ANGPT2: variants seen among roughly 807,000 people sequenced by gnomAD.
ANGPT2 encodes the protein angiopoietin-2.
In ANGPT2, 28 loss-of-function variants were observed where a neutral mutation model predicts 62.9. That is an observed-to-expected ratio of 0.44 (90% confidence interval 0.33 to 0.61). The LOEUF is 0.61. ANGPT2 is among the 20% of genes least tolerant of loss of function. The pLI, the probability that ANGPT2 is intolerant of heterozygous loss-of-function variation, is 0.03. For missense variants in ANGPT2, 727 were observed against 594.9 expected (o/e 1.22, Z -2.31); for synonymous variants, 284 against 207.8 (o/e 1.37, Z -3.15).
rs1012296119 is a variant in ANGPT2, at chr8:6,521,471, T to C, written c.567-61A>G. 5.8e-6 allele frequency: 7 copies of C among 1,204,540 alleles called. No homozygotes were observed. The African/African-American group carries it at 9.3e-5, about 16-fold the overall frequency. 74.6% of individuals were successfully genotyped at this position (1,204,540 alleles called of 1,614,324 possible). A position where few individuals can be genotyped will look rare whatever the true frequency, so the allele number is the denominator to read the frequency against. On this transcript the variant is annotated intron_variant, in intron 3 of 8. Coordinates refer to ENST00000629816, the MANE Select transcript of ANGPT2 (RefSeq NM_001118887.2). ...ATTCTAATGAAATATTTTATATTTA[T>C]TGAATTTCTACTTCTCCAAGGTACT...
chr8:6,557,659 T>C (rs75410505), intron 1 of ANGPT2, among the ~76,000 whole-genome samples: 1 of 150,180 alleles, frequency 6.7e-6, no homozygotes, highest in African/African-American at 2.4e-5. Flanking sequence ...TATATATTTT[T>C]TATATTTAAT....
In ANGPT2 at chr8:6,502,229, C is replaced by G. The variant is rs1487996277; in HGVS notation, c.*872G>C. 4 of 152,036 alleles carry G rather than the reference C, an allele frequency of 2.6e-5. No individual in the cohort carries two copies. Among genetic ancestry groups the G allele is most frequent in the Non-Finnish European group, 5.9e-5 (4 of 68,014 alleles). 9.4% of individuals were successfully genotyped at this position (152,036 alleles called of 1,614,324 possible). Reference sequence around the variant, plus strand: ...TAAGAAGTTTCCTTATCACAAGGCACAATTAGGTCTTTTGGAAACAAATTA... The same window carrying G: ...TAAGAAGTTTCCTTATCACAAGGCAGAATTAGGTCTTTTGGAAACAAATTA... On this transcript the variant is annotated 3_prime_UTR_variant, in exon 9 of 9. Transcript: ENST00000629816.
chr8:6,521,041 A>T (rs1817238125), intron 4 of ANGPT2, 137 bp downstream of exon 4: 1 of 641,988 alleles, frequency 1.6e-6, no homozygotes, highest in East Asian at 2.8e-5. Context: ...TTCTTCCTTC[A>T]TTTTAATTGG....
At chr8:6,514,807 A>G in intron 5 of ANGPT2, 29 bp from the exon 6 acceptor site, 2 of 1,596,272 alleles carry the variant, frequency 1.3e-6, no homozygotes, top group South Asian at 2.2e-5. Context: ...GGTATAAGTG[A>G]CAGAGCCCCC....
Position 6,509,069 on chromosome 8 carries a change from G to A in ANGPT2, c.1197-7C>T. 1.2e-6 allele frequency: 2 copies of A among 1,612,000 alleles called. No homozygotes were observed. The highest frequency in any genetic ancestry group is 3.3e-4 in the Middle Eastern group (2 of 6,052). On this transcript the variant is annotated splice_polypyrimidine_tract_variant and splice_region_variant and intron_variant, in intron 7 of 8. Transcript: ENST00000629816. The stretch of plus-strand genomic sequence containing the variant: ...AAGTCCTTTAAGGTGAATCCTGTAA[G>A]CGTGCAAAGAAAAAAAACACATTGG...
intron 1 of ANGPT2, among the ~76,000 whole-genome samples, chr8:6,538,487 A>G (rs559108800): frequency 1.3e-5 from 2 of 152,208 alleles, no homozygotes; most frequent in South Asian, 2.1e-4. Flanking sequence ...CCTTCTTTTT[A>G]AGACACACAC....
chr8:6,540,027 C>T lies in ANGPT2; in HGVS notation c.289-7540G>A, dbSNP rs181418496. On this transcript the variant is annotated intron_variant, in intron 1 of 8. Coordinates refer to ENST00000629816, the MANE Select transcript of ANGPT2 (RefSeq NM_001118887.2). ...TGTATTAGGAAATAAGTTTGTGGGCCTCAGCTGGTGGCATTCTAACATTAA... is the reference window on the plus strand; with the variant it reads ...TGTATTAGGAAATAAGTTTGTGGGCTTCAGCTGGTGGCATTCTAACATTAA... Among the ~76,000 whole-genome samples, 759 of 152,240 alleles carry T rather than the reference C, an allele frequency of 5.0e-3. 3 individuals carry two copies. Among genetic ancestry groups the T allele is most frequent in the Non-Finnish European group, 7.6e-3 (519 of 68,032 alleles).
chr8:6,547,927 C>G (rs1018823902), intron 1 of ANGPT2, among the ~76,000 whole-genome samples: 3 of 148,912 alleles, frequency 2.0e-5, no homozygotes, highest in African/African-American at 5.0e-5. Flanking sequence ...GTGGTTACTT[C>G]TCTAGTTTGG....
At chr8:6,517,535 C>T (rs547326061) in intron 5 of ANGPT2, among the ~76,000 whole-genome samples, 2 of 152,294 alleles carry the variant, frequency 1.3e-5, no homozygotes, top group South Asian at 4.1e-4. Context: ...GCTCAAAGAC[C>T]AATTGAACAT....
intron 7 of ANGPT2, among the ~76,000 whole-genome samples, chr8:6,509,601 T>A (rs1447595816): frequency 6.6e-6 from 1 of 152,218 alleles, no homozygotes; most frequent in Non-Finnish European, 1.5e-5. Context: ...GTAATGTAAT[T>A]AAACTTTTAG....
chr8:6,523,641 G>T (rs1218474932), intron 3 of ANGPT2, among the ~76,000 whole-genome samples: 1 of 152,130 alleles, frequency 6.6e-6, no homozygotes, highest in Non-Finnish European at 1.5e-5. Flanking sequence ...CTGGGCTGTT[G>T]TGCAGTGGCG....
intron 2 of ANGPT2, among the ~76,000 whole-genome samples, chr8:6,529,892 T>TTA (rs1819133126): frequency 6.6e-6 from 1 of 151,612 alleles, no homozygotes; most frequent in Non-Finnish European, 1.5e-5. Flanking sequence ...GTTTTTTTTT[T>TTA]AAATCATATG....
In ANGPT2 at chr8:6,521,433, G is replaced by C. The variant is rs1817314310; in HGVS notation, c.567-23C>G. ...AAACTTGTAAGGAAAAGAATTGTTA[G>C]TTAGTGAAGGCTATTCTAATGAAAT... On this transcript the variant is annotated intron_variant, in intron 3 of 8. Transcript: ENST00000629816. The C allele has an allele frequency of 2.0e-6, 3 of 1,494,960 alleles. No individual in the cohort carries two copies. The East Asian group carries it at 6.8e-5, about 34-fold the overall frequency. 92.6% of individuals were successfully genotyped at this position (1,494,960 alleles called of 1,614,324 possible). A position where few individuals can be genotyped will look rare whatever the true frequency, so the allele number is the denominator to read the frequency against.
chr8:6,505,295 A>ATGTTT (rs1491494016), intron 8 of ANGPT2, among the ~76,000 whole-genome samples: 1 of 73,748 alleles, frequency 1.4e-5, no homozygotes, highest in Non-Finnish European at 2.3e-5. Context: ...TGTTATATAC[A>ATGTTT]TATATATGTA....
intron 8 of ANGPT2, among the ~76,000 whole-genome samples, chr8:6,503,852 G>C (rs574924989): frequency 6.6e-6 from 1 of 152,184 alleles, no homozygotes; most frequent in Non-Finnish European, 1.5e-5. Context: ...CTGTGGGAGT[G>C]AAGCCCCATC....
chr8:6,527,508 G>C (rs1323604979), intron 3 of ANGPT2, 47 bp downstream of exon 3: 53 of 1,586,604 alleles, frequency 3.3e-5, no homozygotes, highest in Non-Finnish European at 4.4e-5. Context: ...TTTCATATCT[G>C]GAAAGTGTGC....
At chr8:6,535,152 G>A (rs933103504) in intron 1 of ANGPT2, among the ~76,000 whole-genome samples, 1 of 152,114 alleles carries the variant, frequency 6.6e-6, no homozygotes, top group Non-Finnish European at 1.5e-5. Context: ...CAGTACTTAA[G>A]AGCTAAATAA....
At chr8:6,543,558 C>G (rs1821992261) in intron 1 of ANGPT2, among the ~76,000 whole-genome samples, 2 of 152,210 alleles carry the variant, frequency 1.3e-5, no homozygotes, top group African/African-American at 2.4e-5. Flanking sequence ...GGGAAAAGCG[C>G]TGTCGTATAA....
In ANGPT2 at chr8:6,502,920, A is replaced by C. The variant is rs1812475994; in HGVS notation, c.*181T>G. ...TTTAGGGTCTTGCTTTGGTCCGTTAAGTGATGCAAGTTTAAGTGATAAAGT... is the reference window on the plus strand; with the variant it reads ...TTTAGGGTCTTGCTTTGGTCCGTTACGTGATGCAAGTTTAAGTGATAAAGT... On this transcript the variant is annotated 3_prime_UTR_variant, in exon 9 of 9. Transcript: ENST00000629816. 11 of 655,288 alleles carry C rather than the reference A, an allele frequency of 1.7e-5. No homozygotes were observed. Among genetic ancestry groups the C allele is most frequent in the Non-Finnish European group, 2.8e-5 (11 of 389,750 alleles). The allele number at this position is 655,288 out of a possible 1,614,324, so 40.6% of individuals were successfully genotyped here.
Sources: allele counts gnomAD v4.1 joint callset (sites outside exome capture counted in the v4.1 genomes callset), GRCh38; gene constraint gnomAD v4.1.1; transcripts MANE v1.5; gene names NCBI Gene and HGNC (gene_info 2026-07-23, HGNC 2026-07-21).